The following SKP1 variants were observed in gnomAD, a reference collection of about 807,000 sequenced individuals.
SKP1 encodes the protein S-phase kinase-associated protein 1.
A neutral mutation model predicts 21.5 loss-of-function variants in SKP1; 1 was observed. That is an observed-to-expected ratio of 0.05 (90% CI 0.02 to 0.22). The LOEUF (loss-of-function observed/expected upper bound fraction) is 0.22, where lower values mean the gene tolerates loss of function less well. SKP1 is among the 10% of genes least tolerant of loss of function. SKP1 has a pLI of 1.00. For missense variants in SKP1, 70 were observed against 192.0 expected, an observed-to-expected ratio of 0.36 and a Z score of 3.76; for synonymous variants, 59 against 59.3, an observed-to-expected ratio of 0.99 and a Z score of 0.03.
intron 5 of SKP1, chr5:134,158,238 T>C: frequency 2.8e-6 from 4 of 1,440,098 alleles, no homozygotes; most frequent in South Asian, 3.0e-5. Context: ...GCTCTTCTCA[T>C]TGAAAACTAA....
Position 134,173,962 on chromosome 5 carries a change from C to A in SKP1, c.61G>T (p.Ala21Ser). 1 of 1,610,910 alleles carries A rather than the reference C, an allele frequency of 6.2e-7. No individual in the cohort carries two copies. Among genetic ancestry groups the A allele is most frequent in the Non-Finnish European group, 8.5e-7 (1 of 1,177,294 alleles). Residue 21 changes from alanine (A) to serine (S), a missense_variant, in exon 2 of 6, where the codon GCC (alanine) becomes TCC (serine). By Grantham distance (99) the Ala-to-Ser change is moderately conservative. Coordinates refer to ENST00000353411, the MANE Select transcript of SKP1 (RefSeq NM_170679.3). ...GEIFEVDVEI[A>S]KQSVTIKTML... is the part of the protein sequence containing the mutation. ...GTCTTAATAGTCACAGATTGTTTGGCAATTTCCACATCAACTTCAAATATC... is the reference window on the plus strand; with the variant it reads ...GTCTTAATAGTCACAGATTGTTTGGAAATTTCCACATCAACTTCAAATATC...
intron 2 of SKP1, among the ~76,000 whole-genome samples, chr5:134,171,488 A>C (rs1761439587): frequency 6.6e-6 from 1 of 152,188 alleles, no homozygotes; most frequent in South Asian, 2.1e-4. Context: ...TATCTCTAGC[A>C]GTCTAACTCT....
rs911418627 is a variant in SKP1, at chr5:134,149,370, T to C, written c.*8363A>G. 6.6e-6 allele frequency: 1 copy of C among 152,240 alleles called. No homozygotes were observed. The highest frequency in any genetic ancestry group is 6.5e-5 in the Admixed American group (1 of 15,278). 9.4% of individuals were successfully genotyped at this position (152,240 alleles called of 1,614,324 possible). A position where few individuals can be genotyped will look rare whatever the true frequency, so the allele number is the denominator to read the frequency against. ...AGTACACTGCTGTCTTCCTGAGACC[T>C]ATCATGAATGTAAAAGGTGTCATGA... On this transcript the variant is annotated 3_prime_UTR_variant, in exon 6 of 6. Coordinates refer to ENST00000353411, the MANE Select transcript of SKP1 (RefSeq NM_170679.3).
chr5:134,168,380 C>G (rs1311827436), intron 2 of SKP1, among the ~76,000 whole-genome samples: 1 of 152,060 alleles, frequency 6.6e-6, no homozygotes, highest in Non-Finnish European at 1.5e-5. Context: ...CGCACAAACA[C>G]GCACAAAACA....
chr5:134,162,760 A>G (rs904896130), intron 3 of SKP1, among the ~76,000 whole-genome samples: 2 of 151,736 alleles, frequency 1.3e-5, no homozygotes, highest in Non-Finnish European at 2.9e-5. Context: ...AAAAACGTCA[A>G]TATTTGCTTA....
intron 2 of SKP1, among the ~76,000 whole-genome samples, chr5:134,168,063 A>C (rs1761366768): frequency 6.6e-6 from 1 of 152,228 alleles, no homozygotes; most frequent in Non-Finnish European, 1.5e-5. Context: ...GTGGCTCCTA[A>C]CGATGGAGTC....
intron 2 of SKP1, among the ~76,000 whole-genome samples, chr5:134,169,808 T>A (rs2149376480): frequency 6.6e-6 from 1 of 152,348 alleles, no homozygotes; most frequent in South Asian, 2.1e-4. Flanking sequence ...GAGACCAGCC[T>A]GACCAACATG....
intron 1 of SKP1, chr5:134,174,807 CAAAAAAA>C (rs374227127): frequency 9.1e-6 from 1 of 109,678 alleles, no homozygotes; most frequent in Non-Finnish European, 2.1e-5. Flanking sequence ...TGAGTTCTGG[CAAAAAAA>C]AAAAAAAAGG....
At chr5:134,170,424 A>C (rs375075778) in intron 2 of SKP1, among the ~76,000 whole-genome samples, 42 of 152,312 alleles carry the variant, frequency 2.8e-4, no homozygotes, top group African/African-American at 9.1e-4. Context: ...TCTGAAAGAC[A>C]CTTGTATCCT....
intron 2 of SKP1, among the ~76,000 whole-genome samples, chr5:134,167,582 G>A (rs1761355502): frequency 6.6e-6 from 1 of 151,950 alleles, no homozygotes; most frequent in South Asian, 2.1e-4. Context: ...GAGTGTAGGG[G>A]CGCCATCTCG....
chr5:134,174,114 T>A, intron 1 of SKP1, 92 bp from the exon 2 acceptor site: 1 of 784,436 alleles, frequency 1.3e-6, no homozygotes, highest in Non-Finnish European at 2.2e-6. Context: ...CTCTAACTTA[T>A]TGACCACAAA....
chr5:134,163,295 G>C (rs1442816132), intron 3 of SKP1, among the ~76,000 whole-genome samples: 2 of 141,474 alleles, frequency 1.4e-5, no homozygotes, highest in Admixed American at 6.9e-5. Context: ...GATATATAAA[G>C]AAACTAATGC....
rs548749589 is a variant in SKP1, at chr5:134,166,626, A to G, written c.171+544T>C. Among the ~76,000 whole-genome samples, 7 of 151,518 alleles carry G rather than the reference A, an allele frequency of 4.6e-5. No homozygotes were observed. The South Asian group carries it at 1.5e-3, about 31-fold the overall frequency. ...AAAAAAGAATGTGGGAAAAAAATAT[A>G]CTTACTTGTTAATACCTGTATTACA... is the stretch of plus-strand genomic sequence containing the variant. On this transcript the variant is annotated intron_variant, in intron 3 of 5. Transcript: ENST00000353411.
rs1340207637 is a variant in SKP1 at position 134,156,411 on chromosome 5, G to T, written c.*1322C>A. 2 of 152,184 alleles carry T rather than the reference G, an allele frequency of 1.3e-5. No homozygotes were observed. The highest frequency in any genetic ancestry group is 2.9e-5 in the Non-Finnish European group (2 of 68,048). 9.4% of individuals were successfully genotyped at this position (152,184 alleles called of 1,614,324 possible). A position where few individuals can be genotyped will look rare whatever the true frequency, so the allele number is the denominator to read the frequency against. On this transcript the variant is annotated 3_prime_UTR_variant, in exon 6 of 6. Coordinates refer to ENST00000353411, the MANE Select transcript of SKP1 (RefSeq NM_170679.3). ...TGGAATTAAGTGAGACAACATATGG[G>T]ACTTTATTAAATAAGGTGAATTTGG...
chr5:134,172,151 C>T (rs1761454893), intron 2 of SKP1, among the ~76,000 whole-genome samples: 2 of 152,380 alleles, frequency 1.3e-5, no homozygotes, highest in African/African-American at 2.4e-5. Flanking sequence ...CGCCACTTGG[C>T]GCGCAACTTT....
intron 4 of SKP1, among the ~76,000 whole-genome samples, chr5:134,160,514 T>C (rs1051503188): frequency 6.6e-5 from 10 of 152,206 alleles, no homozygotes; most frequent in Admixed American, 3.9e-4. Flanking sequence ...TTGAGTTCTA[T>C]TGGGTTTTGT....
Position 134,154,877 on chromosome 5 carries a change from C to G in SKP1, c.*2856G>C, listed in dbSNP as rs529521568. 6.6e-6 allele frequency: 1 copy of G among 152,198 alleles called. No individual in the cohort carries two copies. Among genetic ancestry groups the G allele is most frequent in the East Asian group, 1.9e-4 (1 of 5,202 alleles). 9.4% of individuals were successfully genotyped at this position (152,198 alleles called of 1,614,324 possible). A position where few individuals can be genotyped will look rare whatever the true frequency, so the allele number is the denominator to read the frequency against. ...AATTCATCAGTAACCACTCTCCAAA[C>G]CAAGGCTATTATCAGCTATTATCAA... On this transcript the variant is annotated 3_prime_UTR_variant, in exon 6 of 6. Coordinates refer to ENST00000353411, the MANE Select transcript of SKP1 (RefSeq NM_170679.3).
chr5:134,162,864 G>C (rs1233473639), intron 3 of SKP1, among the ~76,000 whole-genome samples: 1 of 151,938 alleles, frequency 6.6e-6, no homozygotes, highest in African/African-American at 2.4e-5. Flanking sequence ...CTTAAGGCCG[G>C]AAGTTCAAGA....
chr5:134,165,235 T>C (rs75659134), intron 3 of SKP1, among the ~76,000 whole-genome samples: 190 of 152,270 alleles, frequency 1.2e-3, no homozygotes, highest in African/African-American at 4.4e-3. Context: ...ATGATCAATG[T>C]TATGTATATT....
Sources: allele counts gnomAD v4.1 joint callset (sites outside exome capture counted in the v4.1 genomes callset), GRCh38; gene constraint gnomAD v4.1.1; transcripts MANE v1.5; gene names NCBI Gene and HGNC (gene_info 2026-07-23, HGNC 2026-07-21).